The following TNRC6A variants were observed in gnomAD, a reference collection of about 807,000 sequenced individuals.
The protein encoded by TNRC6A is trinucleotide repeat-containing gene 6A protein.
In TNRC6A, 44 loss-of-function variants were observed where a neutral mutation model predicts 221.2. The observed-to-expected ratio is 0.20, with a 90% CI of 0.16 to 0.26. The LOEUF is 0.26. Among genes scored for constraint, TNRC6A ranks in the 10% least tolerant of loss-of-function variants. TNRC6A has a pLI of 1.00. For missense variants in TNRC6A, 2,199 were observed against 2,404.4 expected, an observed-to-expected ratio of 0.91 and a Z score of 1.79; for synonymous variants, 847 against 838.5, an observed-to-expected ratio of 1.01 and a Z score of -0.18.
At chr16:24,640,426 G>A (rs966059925) in intron 1 of TNRC6A, among the ~76,000 whole-genome samples, 19 of 150,486 alleles carry the variant, frequency 1.3e-4, no homozygotes, top group African/African-American at 4.7e-4. Context: ...AAAAAAAAAG[G>A]AAGAAAAAGA....
chr16:24,801,391 G>C lies in TNRC6A; in HGVS notation c.3695-2786G>C, dbSNP rs552692743. 1.2e-3 allele frequency among the ~76,000 whole-genome samples: 190 copies of C among 152,270 alleles called. 7 individuals carry two copies. The South Asian group carries it at 0.038, about 30-fold the overall frequency. On this transcript the variant is annotated intron_variant, in intron 11 of 24. Transcript: ENST00000395799. Reference sequence around the variant, plus strand: ...GTCAGGGAATGGATTTGACAGTGGGGCTCAGGGGTAGTCATTGGTAACTAA... The same window carrying C: ...GTCAGGGAATGGATTTGACAGTGGGCCTCAGGGGTAGTCATTGGTAACTAA...
chr16:24,651,233 G>A (rs1902627754), intron 2 of TNRC6A, among the ~76,000 whole-genome samples: 2 of 151,338 alleles, frequency 1.3e-5, no homozygotes, highest in South Asian at 4.2e-4. Flanking sequence ...GGAATCGTAT[G>A]CCACAATTTA....
chr16:24,657,576 G>T (rs1462489068), intron 2 of TNRC6A, among the ~76,000 whole-genome samples: 1 of 151,948 alleles, frequency 6.6e-6, no homozygotes, highest in Non-Finnish European at 1.5e-5. Context: ...AGCCATGATG[G>T]CACGCACCTG....
At chr16:24,725,197 TCTCA>T (rs1567390358), upstream of TNRC6A, among the ~76,000 whole-genome samples, 1 of 152,032 alleles carries the variant, frequency 6.6e-6, no homozygotes. Flanking sequence ...TGAGAAAAGG[TCTCA>T]CTCTGTCACC....
At chr16:24,765,458 G>T (rs1277452746) in intron 4 of TNRC6A, among the ~76,000 whole-genome samples, 1 of 152,006 alleles carries the variant, frequency 6.6e-6, no homozygotes, top group Non-Finnish European at 1.5e-5. Context: ...TTACAGTTGG[G>T]GCTTAGTTCA....
intron 4 of TNRC6A, among the ~76,000 whole-genome samples, chr16:24,775,005 G>A (rs1014610992): frequency 1.3e-5 from 2 of 152,092 alleles, no homozygotes; most frequent in South Asian, 2.1e-4. Flanking sequence ...ATCCATGGTT[G>A]GTTGAATCTG....
At position 24,823,451 on chromosome 16, in the gene TNRC6A, A is replaced by G; in HGVS notation, c.5533A>G (p.Thr1845Ala). 1 of 1,613,370 alleles carries G rather than the reference A, an allele frequency of 6.2e-7. No homozygotes were observed. The highest frequency in any genetic ancestry group is 8.5e-7 in the Non-Finnish European group (1 of 1,179,730). ...SLHMCVLGNT[T>A]ILAEFASEEE... is the part of the protein sequence containing the mutation. ...CTCTAGGTGTGTACTGGGGAACACT[A>G]CTATTCTTGCTGAGTTTGCCAGTGA... The change falls in exon 25 of 25, where the codon ACT (threonine) becomes GCT (alanine). Residue 1845 changes from threonine (T) to alanine (A), a missense_variant. Thr to Ala is a moderately conservative substitution (Grantham distance 58, BLOSUM62 0). This residue lies in a region of TNRC6A where 3 missense variants were observed against 25.1 expected (regional missense o/e 0.12). Transcript: ENST00000395799. This position sits in a 1 kb window ranked among gnomAD's most constrained non-coding sequence, Gnocchi z 4.3.
At chr16:24,799,071 T>A (rs900858207) in intron 11 of TNRC6A, among the ~76,000 whole-genome samples, 1 of 152,206 alleles carries the variant, frequency 6.6e-6, no homozygotes, top group African/African-American at 2.4e-5. Flanking sequence ...TGCTGGTAGA[T>A]GCTGCCAACC....
At chr16:24,750,583 T>A in intron 2 of TNRC6A, 143 bp from the exon 3 acceptor site, 1 of 1,036,338 alleles carries the variant, frequency 9.6e-7, no homozygotes, top group Non-Finnish European at 1.3e-6. Flanking sequence ...AGGTTGCAGG[T>A]TGTGTTTTAT....
Position 24,793,616 on chromosome 16 carries a change from A to C in TNRC6A, c.3319A>C (p.Ser1107Arg), listed in dbSNP as rs2058158011. Reference protein sequence around the residue: ...AASSTSTWGSSSVGPQALSKS... With the variant: ...AASSTSTWGSRSVGPQALSKS... ...ATCCAGCACATCCACGTGGGGCTCC[A>C]GCTCTGTTGGTCCACAAGCATTAAG... Residue 1107 changes from serine to arginine, a missense_variant, in exon 7 of 25, where the codon AGC becomes CGC. Around this residue, in one of 8 missense-constraint regions of TNRC6A, gnomAD observed 1,405 missense variants for 1,400.2 expected, o/e 1.00. Coordinates refer to ENST00000395799, the MANE Select transcript of TNRC6A (RefSeq NM_014494.4). The C allele has an allele frequency of 3.2e-6, 5 of 1,544,974 alleles. No homozygotes were observed. The East Asian group carries it at 1.2e-4, about 37-fold the overall frequency.
chr16:24,794,080 C>T (rs1244919186), intron 7 of TNRC6A, among the ~76,000 whole-genome samples: 2 of 152,156 alleles, frequency 1.3e-5, no homozygotes, highest in East Asian at 3.9e-4. Flanking sequence ...GTCATTATCC[C>T]ATAGGCTGTG....
intron 2 of TNRC6A, among the ~76,000 whole-genome samples, chr16:24,657,685 G>A (rs570817500): frequency 2.7e-5 from 4 of 150,252 alleles, no homozygotes; most frequent in Admixed American, 2.0e-4. Context: ...CTCCAGCTTG[G>A]GCGACAGAGC....
At chr16:24,772,750 T>C (rs947000503) in intron 4 of TNRC6A, among the ~76,000 whole-genome samples, 1 of 152,164 alleles carries the variant, frequency 6.6e-6, no homozygotes, top group African/African-American at 2.4e-5. Context: ...ACCACAGCAC[T>C]CCAGCCTGAG....
rs1434408871 is a variant in TNRC6A at position 24,790,326 on chromosome 16, A to G, written c.1684A>G (p.Asn562Asp). Residue 562 changes from asparagine (N) to aspartate (D), a missense_variant, in exon 6 of 25, where the codon AAC (asparagine) becomes GAC (aspartate). Asn to Asp is a conservative substitution (Grantham distance 23, BLOSUM62 1). Coordinates refer to ENST00000395799, the MANE Select transcript of TNRC6A (RefSeq NM_014494.4). The stretch of plus-strand genomic sequence containing the variant: ...TGGCGTAAATGGTCCTATGGGCACT[A>G]ACTTTCAAGTTAACACAAACAAAGG... Reference protein sequence around the residue: ...QPGVNGPMGTNFQVNTNKGGG... With the variant: ...QPGVNGPMGTDFQVNTNKGGG... 7 of 1,614,114 alleles carry G rather than the reference A, an allele frequency of 4.3e-6. No individual in the cohort carries two copies. Among genetic ancestry groups the G allele is most frequent in the Non-Finnish European group, 5.9e-6 (7 of 1,180,052 alleles).
intron 21 of TNRC6A, among the ~76,000 whole-genome samples, 162 bp downstream of exon 21, chr16:24,818,862 T>C (rs925321684): frequency 1.3e-5 from 2 of 152,204 alleles, no homozygotes; most frequent in Non-Finnish European, 2.9e-5. Context: ...TTTTTAAACT[T>C]ACTGTACCCA....
Position 24,777,056 on chromosome 16 carries a change from AGCAGCAGCAGCAACAGCAGCAGCC to A in TNRC6A, c.300_323del (p.Gln101_Gln108del), listed in dbSNP as rs772358839. 8 of 1,605,852 alleles carry A rather than the reference AGCAGCAGCAGCAACAGCAGCAGCC, an allele frequency of 5.0e-6. No individual in the cohort carries two copies. Among genetic ancestry groups the A allele is most frequent in the Admixed American group, 1.7e-5 (1 of 59,802 alleles). ...GCTACAGCCAACAATCAGCAGCCAC[AGCAGCAGCAGCAACAGCAGCAGCC>A]GCAGCAGCAGCAGCCACAGCAGCAG... is the stretch of plus-strand genomic sequence containing the variant. On this transcript the variant is annotated inframe_deletion, in exon 5 of 25. Coordinates refer to ENST00000395799, the MANE Select transcript of TNRC6A (RefSeq NM_014494.4).
chr16:24,756,079 T>G (rs1488232040), intron 3 of TNRC6A, among the ~76,000 whole-genome samples: 1 of 152,164 alleles, frequency 6.6e-6, no homozygotes, highest in Non-Finnish European at 1.5e-5. Flanking sequence ...ATAACCAGAT[T>G]AATTTTAATA....
chr16:24,716,955 C>CAAAAAAA, intron 2 of TNRC6A, among the ~76,000 whole-genome samples: 1 of 75,170 alleles, frequency 1.3e-5, no homozygotes, highest in Non-Finnish European at 2.8e-5. Context: ...GACTCCATCT[C>CAAAAAAA]AAAAAAAAAA....
chr16:24,720,493 A>T (rs1263700321), intron 2 of TNRC6A, among the ~76,000 whole-genome samples: 1 of 151,804 alleles, frequency 6.6e-6, no homozygotes, highest in South Asian at 2.1e-4. Context: ...GTTCGAGACC[A>T]GCCTGGCCAA....
Sources: gnomAD v4.1 joint callset for allele counts (sites outside exome capture counted in the v4.1 genomes callset) on GRCh38, gnomAD v4.1.1 for gene constraint, gnomAD v4.1.1 regional missense constraint, Gnocchi (gnomAD v3.1) non-coding constraint, MANE v1.5 for transcripts, NCBI Gene and HGNC (gene_info 2026-07-23, HGNC 2026-07-21) for gene names.